The following PHLDB3 variants were observed in gnomAD, a reference collection of about 807,000 sequenced individuals.
PHLDB3 encodes the protein pleckstrin homology like domain family B member 3.
PHLDB3 carries 86 observed loss-of-function variants against 85.7 expected under a neutral mutation model. The ratio of observed to expected loss-of-function variants is 1.00; its 90% CI spans 0.84 to 1.20. The LOEUF (loss-of-function observed/expected upper bound fraction) is 1.20, where lower values mean the gene tolerates loss of function less well. Ranked by LOEUF, PHLDB3 falls within the 50% of genes most tolerant of loss-of-function variation. The probability of loss-of-function intolerance (pLI) is 0.00; values close to 1 mark genes in which losing one functional copy is unlikely to be tolerated. For synonymous variants in PHLDB3, 376 were observed against 349.8 expected (o/e 1.07, Z -0.83); for missense variants, 995 against 873.0 (o/e 1.14, Z -1.76).
Position 43,487,068 on chromosome 19 carries a change from C to T in PHLDB3, c.1205G>A (p.Gly402Glu). Residue 402 changes from glycine to glutamate, a missense_variant, in exon 10 of 16, where the codon GGG (glycine) becomes GAG (glutamate). Gly to Glu is a moderately conservative substitution (Grantham distance 98, BLOSUM62 -2). Coordinates refer to ENST00000292140, the MANE Select transcript of PHLDB3 (RefSeq NM_198850.4). ...AGGTCGGGGGGATCCTCTCTGGCTC[C>T]CCCTCTCCCCCCTTTTCCGGGGCAG... Reference protein sequence around the residue: ...GSLPRKRGERGSQRGSPRPLS... With the variant: ...GSLPRKRGERESQRGSPRPLS... 6.3e-7 allele frequency: 1 copy of T among 1,578,054 alleles called. No individual in the cohort carries two copies. Among genetic ancestry groups the T allele is most frequent in the East Asian group, 2.3e-5 (1 of 43,468 alleles).
Position 43,495,272 on chromosome 19 carries a change from T to A in PHLDB3, c.1019A>T (p.Asn340Ile). 6.2e-7 allele frequency: 1 copy of A among 1,613,660 alleles called. No homozygotes were observed. Among genetic ancestry groups the A allele is most frequent in the Non-Finnish European group, 8.5e-7 (1 of 1,179,788 alleles). Residue 340 changes from asparagine to isoleucine, a missense_variant, in exon 8 of 16, where the codon AAC becomes ATC. Transcript: ENST00000292140. ...GTPGGDFSEP[N>I]PALTKLLFTQ... is the part of the protein sequence containing the mutation. The stretch of plus-strand genomic sequence containing the variant: ...TCCCCATACCTTAGTGAGGGCCGGG[T>A]TGGGCTCAGAGAAGTCCCCGCCAGG...
Position 43,501,726 on chromosome 19 carries a change from A to C in PHLDB3, c.534+8T>G, listed in dbSNP as rs1971603907. The C allele has an allele frequency of 1.9e-6, 2 of 1,053,806 alleles. No individual in the cohort carries two copies. The highest frequency in any genetic ancestry group is 1.9e-5 in the African/African-American group (1 of 51,834). The allele number at this position is 1,053,806 out of a possible 1,614,324, so 65.3% of individuals were successfully genotyped here. ...ACTGCTGATGAAGACCCGGTGAGCCAAACAGACCTGTTCCCGCTGCTGGCG... is the reference window on the plus strand; with the variant it reads ...ACTGCTGATGAAGACCCGGTGAGCCCAACAGACCTGTTCCCGCTGCTGGCG... On this transcript the variant is annotated splice_region_variant and intron_variant, in intron 4 of 15. Transcript: ENST00000292140.
chr19:43,503,837 C>T, intron 2 of PHLDB3, 69 bp downstream of exon 2: 3 of 1,584,562 alleles, frequency 1.9e-6, no homozygotes, highest in South Asian at 2.2e-5. Flanking sequence ...TACCTGTCTA[C>T]CTGTCTGGCC....
chr19:43,486,625 C>T lies in PHLDB3; in HGVS notation c.1412G>A (p.Arg471Gln), dbSNP rs764087326. The T allele has an allele frequency of 2.3e-5, 37 of 1,613,406 alleles. No homozygotes were observed. The highest frequency in any genetic ancestry group is 1.3e-4 in the South Asian group (12 of 91,036). ...LLQQAMAERERLLKAREGTRR... is the reference protein window; with the variant it reads ...LLQQAMAEREQLLKAREGTRR... ...GGCTCTCACCCGGGCCTTGAGCAGCCGCTCCCTCTCCGCCATGGCCTGCTG... is the reference window on the plus strand; with the variant it reads ...GGCTCTCACCCGGGCCTTGAGCAGCTGCTCCCTCTCCGCCATGGCCTGCTG... The change falls in exon 12 of 16, where the codon CGG becomes CAG. Residue 471 changes from arginine to glutamine, a missense_variant. Arg to Gln is a conservative substitution (Grantham distance 43). Transcript: ENST00000292140.
At chr19:43,494,866 ACT>A in intron 8 of PHLDB3, 51 bp from the exon 9 acceptor site, 1 of 1,406,170 alleles carries the variant, frequency 7.1e-7, no homozygotes, top group Non-Finnish European at 9.9e-7. Context: ...CCCCAGAGCA[ACT>A]GCCAGTTTCC....
chr19:43,497,803 T>C lies in PHLDB3; in HGVS notation c.608A>G (p.Gln203Arg). ...TTGGTCCTCTGGCTGTGAGTCGAGC[T>C]GTCCCTGGGCCTTGCGGAGTCTCTG... ...LRQRLRKAQG[Q>R]LDSQPEDQRE... The change falls in exon 5 of 16, where the codon CAG becomes CGG. Residue 203 changes from glutamine (Q) to arginine (R), a missense_variant. Gln to Arg is a conservative substitution (Grantham distance 43). Transcript: ENST00000292140. 6.4e-7 allele frequency: 1 copy of C among 1,560,174 alleles called. No homozygotes were observed. The highest frequency in any genetic ancestry group is 8.7e-7 in the Non-Finnish European group (1 of 1,152,052).
intron 9 of PHLDB3, 26 bp downstream of exon 9, chr19:43,494,676 G>A: frequency 1.3e-6 from 2 of 1,551,822 alleles, no homozygotes; most frequent in South Asian, 2.3e-5. Context: ...AGATATATGG[G>A]GAAACAGAGG....
Position 43,475,550 on chromosome 19 carries a change from A to G in PHLDB3, c.1789-6T>C. 1 of 1,613,822 alleles carries G rather than the reference A, an allele frequency of 6.2e-7. No individual in the cohort carries two copies. The highest frequency in any genetic ancestry group is 8.5e-7 in the Non-Finnish European group (1 of 1,179,816). On this transcript the variant is annotated splice_region_variant and splice_polypyrimidine_tract_variant and intron_variant, in intron 15 of 15. Transcript: ENST00000292140. The stretch of plus-strand genomic sequence containing the variant: ...GTCAGGCGGGGGTTGGGGCTCTGGA[A>G]TAAGCAGAAAGTGAGGGTAATTCAG...
intron 4 of PHLDB3, 78 bp downstream of exon 4, chr19:43,501,656 C>T (rs901786050): frequency 1.4e-5 from 22 of 1,537,374 alleles, no homozygotes; most frequent in South Asian, 3.6e-5. Flanking sequence ...AACCCCGGGG[C>T]GCAGGTGGCT....
At chr19:43,502,778 G>A (rs1971645763) in intron 2 of PHLDB3, among the ~76,000 whole-genome samples, 1 of 152,008 alleles carries the variant, frequency 6.6e-6, no homozygotes, top group Non-Finnish European at 1.5e-5. Flanking sequence ...ATTTAAGGTC[G>A]GAGTGGGGGA....
chr19:43,489,447 A>G (rs1436052061), intron 9 of PHLDB3, among the ~76,000 whole-genome samples: 1 of 151,654 alleles, frequency 6.6e-6, no homozygotes, highest in Non-Finnish European at 1.5e-5. Flanking sequence ...GAGAAAGTAC[A>G]TACATGACTA....
rs1420118664 is a variant in PHLDB3 at position 43,487,021 on chromosome 19, C to T, written c.1249+3G>A. 2.6e-6 allele frequency: 4 copies of T among 1,556,578 alleles called. No individual in the cohort carries two copies. The highest frequency in any genetic ancestry group is 3.5e-6 in the Non-Finnish European group (4 of 1,154,510). ...AGGAAGTGGGGAACAGGGGGATCCT[C>T]ACCAGTACAATGGAAGGACAGAGGT... On this transcript the variant is annotated splice_donor_region_variant and intron_variant, in intron 10 of 15. Coordinates refer to ENST00000292140, the MANE Select transcript of PHLDB3 (RefSeq NM_198850.4).
intron 9 of PHLDB3, among the ~76,000 whole-genome samples, chr19:43,490,632 G>A (rs1377252239): frequency 3.3e-5 from 5 of 152,140 alleles, no homozygotes; most frequent in African/African-American, 1.2e-4. Context: ...AAGAAACTGA[G>A]GCTCAAATCC....
chr19:43,475,355 G>C lies in PHLDB3; in HGVS notation c.*55C>G. 3 of 1,595,672 alleles carry C rather than the reference G, an allele frequency of 1.9e-6. No homozygotes were observed. The highest frequency in any genetic ancestry group is 2.6e-6 in the Non-Finnish European group (3 of 1,169,296). Reference sequence around the variant, plus strand: ...GTGGGCGGGGCCTAGGAACGCCCCCGCGCCCCGCGCCGGCGGAGCCTCGAA... The same window carrying C: ...GTGGGCGGGGCCTAGGAACGCCCCCCCGCCCCGCGCCGGCGGAGCCTCGAA... On this transcript the variant is annotated 3_prime_UTR_variant, in exon 16 of 16. Transcript: ENST00000292140.
intron 12 of PHLDB3, 25 bp downstream of exon 12, chr19:43,486,584 C>T (rs769254114): frequency 1.9e-5 from 31 of 1,604,784 alleles, no homozygotes; most frequent in Admixed American, 1.5e-4. Context: ...TCTTCTGTTC[C>T]GAAGAGGATG....
In PHLDB3 at chr19:43,502,175, C is replaced by A; in HGVS notation, c.322G>T (p.Ala108Ser). Residue 108 changes from alanine (A) to serine (S), a missense_variant, in exon 3 of 16, where the codon GCA becomes TCA. Physicochemically the swap from Ala to Ser is moderately conservative, Grantham distance 99. Transcript: ENST00000292140. ...TCCATCAGGGCCACACGAGTCAATG[C>A]CTCCAGCTGCTGTCCTTGCAGGCGC... ...ARRLQGQQLE[A>S]LTRVALMEQR... The A allele has an allele frequency of 6.3e-7, 1 of 1,579,334 alleles. No homozygotes were observed. Among genetic ancestry groups the A allele is most frequent in the Admixed American group, 1.8e-5 (1 of 54,648 alleles).
intron 9 of PHLDB3, among the ~76,000 whole-genome samples, chr19:43,493,361 C>T (rs926260690): frequency 6.6e-6 from 1 of 151,854 alleles, no homozygotes; most frequent in South Asian, 2.1e-4. Flanking sequence ...TGGACCCATG[C>T]GCGGTGGCTC....
chr19:43,498,337 G>A (rs927511084), intron 4 of PHLDB3, among the ~76,000 whole-genome samples: 3 of 149,868 alleles, frequency 2.0e-5, no homozygotes, highest in African/African-American at 5.0e-5. Flanking sequence ...ACACTGTCTC[G>A]AAAGGGAAGG....
At chr19:43,491,956 T>TG (rs1568479786) in intron 9 of PHLDB3, among the ~76,000 whole-genome samples, 6 of 142,232 alleles carry the variant, frequency 4.2e-5, no homozygotes, top group Admixed American at 7.2e-5. Context: ...TTTTTTTTTT[T>TG]TTGTTTTTTT....
Sources: gnomAD v4.1 joint callset for allele counts (sites outside exome capture counted in the v4.1 genomes callset) on GRCh38, gnomAD v4.1.1 for gene constraint, MANE v1.5 for transcripts, NCBI Gene and HGNC (gene_info 2026-07-23, HGNC 2026-07-21) for gene names.